ACOXL: variants seen among roughly 807,000 people sequenced by gnomAD.
The protein encoded by ACOXL is acyl-coenzyme A oxidase-like protein.
ACOXL carries 70 observed loss-of-function variants against 71.9 expected under a neutral mutation model. The observed-to-expected ratio is 0.97, with a 90% CI of 0.80 to 1.19. The LOEUF (loss-of-function observed/expected upper bound fraction) is 1.19. Ranked by LOEUF, ACOXL falls within the 50% of genes most tolerant of loss-of-function variation. The pLI, the probability that ACOXL is intolerant of heterozygous loss-of-function variation, is 0.00. For missense variants in ACOXL, 703 were observed against 736.3 expected, an observed-to-expected ratio of 0.95 and a Z score of 0.52; for synonymous variants, 253 against 281.6, an observed-to-expected ratio of 0.90 and a Z score of 1.02.
At chr2:110,911,137 G>A (rs2059636616) in intron 11 of ACOXL, among the ~76,000 whole-genome samples, 1 of 152,010 alleles carries the variant, frequency 6.6e-6, no homozygotes, top group African/African-American at 2.4e-5. Flanking sequence ...ATATGAAATG[G>A]ATGAAGTCCT....
chr2:110,877,183 CTG>C (rs1696027279), intron 10 of ACOXL, among the ~76,000 whole-genome samples: 1 of 152,252 alleles, frequency 6.6e-6, no homozygotes, highest in Non-Finnish European at 1.5e-5. Context: ...GTGGGTGTGG[CTG>C]TCTCACAGTT....
intron 9 of ACOXL, among the ~76,000 whole-genome samples, chr2:110,828,752 G>A (rs1025219813): frequency 2.0e-5 from 3 of 152,112 alleles, no homozygotes; most frequent in African/African-American, 2.4e-5. Context: ...GGTGGGCTGG[G>A]GGGTGGAATT....
chr2:111,111,659 T>G lies in ACOXL; in HGVS notation c.1543-5957T>G, dbSNP rs543874121. On this transcript the variant is annotated intron_variant, in intron 17 of 17. Transcript: ENST00000439055. ...TATGAATAAATGTCAGAAGTTCTTA[T>G]TAAGTGGTTAATGTTGATGCCTCTG... Among the ~76,000 whole-genome samples the G allele has an allele frequency of 3.4e-4, 52 of 152,348 alleles. 1 individual carries two copies. The South Asian group carries it at 6.8e-3, about 20-fold the overall frequency.
intron 14 of ACOXL, among the ~76,000 whole-genome samples, chr2:111,024,222 T>C (rs1278326762): frequency 6.6e-6 from 1 of 152,212 alleles, no homozygotes; most frequent in Non-Finnish European, 1.5e-5. Context: ...GATTGAATTC[T>C]GTCCTTGAAA....
intron 1 of ACOXL, among the ~76,000 whole-genome samples, chr2:110,752,971 G>A (rs2104821100): frequency 6.6e-6 from 1 of 152,212 alleles, no homozygotes; most frequent in African/African-American, 2.4e-5. Flanking sequence ...GATATAGTTT[G>A]GATGTTTTTC....
intron 17 of ACOXL, among the ~76,000 whole-genome samples, chr2:111,105,950 A>G (rs1174627305): frequency 6.6e-6 from 1 of 152,184 alleles, no homozygotes; most frequent in Non-Finnish European, 1.5e-5. Context: ...TTAAGATTAA[A>G]AACTATTTAT....
chr2:111,008,408 T>C (rs1337400449), intron 14 of ACOXL, among the ~76,000 whole-genome samples: 1 of 152,192 alleles, frequency 6.6e-6, no homozygotes, highest in Non-Finnish European at 1.5e-5. Flanking sequence ...ATATCTTTAG[T>C]CTCTGGCTTA....
chr2:110,926,444 G>A (rs2060273562), intron 11 of ACOXL, among the ~76,000 whole-genome samples: 1 of 152,306 alleles, frequency 6.6e-6, no homozygotes, highest in South Asian at 2.1e-4. Context: ...GCAGCAAGGA[G>A]CAGGCCCTCT....
At chr2:111,056,743 G>A (rs1010765687) in intron 16 of ACOXL, among the ~76,000 whole-genome samples, 25 of 141,592 alleles carry the variant, frequency 1.8e-4, no homozygotes, top group Non-Finnish European at 3.7e-4. Context: ...AGCCGAGATC[G>A]CACCACTGCA....
chr2:110,843,786 A>G (rs1052684741), intron 10 of ACOXL, among the ~76,000 whole-genome samples: 2 of 152,242 alleles, frequency 1.3e-5, no homozygotes, highest in African/African-American at 4.8e-5. Context: ...CTGTCCTTAT[A>G]ACCTTTAAGG....
At position 111,045,496 on chromosome 2, in the gene ACOXL, C is replaced by T. The variant is rs111695477; in HGVS notation, c.1370-3722C>T. On this transcript the variant is annotated intron_variant, in intron 15 of 17. Coordinates refer to ENST00000439055, the MANE Select transcript of ACOXL (RefSeq NM_001142807.4). The stretch of plus-strand genomic sequence containing the variant: ...TGCTCAGCACTGCTTCGTGCCGCCA[C>T]GTGAAGGACGTGTTTGCTTCCCCTT... Among the ~76,000 whole-genome samples the T allele has an allele frequency of 5.1e-3, 780 of 152,298 alleles. 7 individuals are homozygous for T. The highest frequency in any genetic ancestry group is 0.014 in the Middle Eastern group (4 of 294).
chr2:110,803,349 A>G lies in ACOXL; in HGVS notation c.620+1625A>G, dbSNP rs561734627. Reference sequence around the variant, plus strand: ...TATGTACAATGGAATAGAATGAAGAATCTAGAAATAAATCCTTACAGTTAC... The same window carrying G: ...TATGTACAATGGAATAGAATGAAGAGTCTAGAAATAAATCCTTACAGTTAC... On this transcript the variant is annotated intron_variant, in intron 8 of 17. Transcript: ENST00000439055. Among the ~76,000 whole-genome samples the G allele has an allele frequency of 1.5e-4, 23 of 152,382 alleles. No individual in the cohort carries two copies. The South Asian group carries it at 2.3e-3, about 15-fold the overall frequency.
intron 1 of ACOXL, among the ~76,000 whole-genome samples, chr2:110,746,587 G>T (rs571351648): frequency 6.6e-6 from 1 of 152,120 alleles, no homozygotes; most frequent in Non-Finnish European, 1.5e-5. Context: ...CCACATGTAC[G>T]TCGAATGGAT....
chr2:110,757,062 C>A (rs75911382), intron 1 of ACOXL, among the ~76,000 whole-genome samples: 4,799 of 152,228 alleles, frequency 0.032, 119 homozygotes, highest in Non-Finnish European at 0.042. Context: ...CCAACCCCCC[C>A]CAAGACAGGC....
intron 3 of ACOXL, among the ~76,000 whole-genome samples, chr2:110,787,767 C>T (rs373085697): frequency 3.9e-5 from 6 of 152,132 alleles, no homozygotes; most frequent in African/African-American, 1.4e-4. Flanking sequence ...CTTGGTCTTT[C>T]CCCTCCTTCT....
chr2:110,966,736 G>T (rs1446440184), intron 12 of ACOXL, among the ~76,000 whole-genome samples: 1 of 152,186 alleles, frequency 6.6e-6, no homozygotes. Context: ...CATCAATGAG[G>T]CACAATGAGG....
intron 12 of ACOXL, among the ~76,000 whole-genome samples, chr2:110,976,012 A>C (rs1369644875): frequency 6.6e-6 from 1 of 152,232 alleles, no homozygotes; most frequent in East Asian, 1.9e-4. Context: ...TGAGAGAAAT[A>C]GAAGAAAATT....
intron 1 of ACOXL, among the ~76,000 whole-genome samples, chr2:110,753,817 C>G (rs932688151): frequency 3.3e-5 from 5 of 152,024 alleles, no homozygotes; most frequent in African/African-American, 1.2e-4. Context: ...GTGGTTGTAC[C>G]ATTTTACATT....
At chr2:111,023,561 A>T (rs1373458589) in intron 14 of ACOXL, among the ~76,000 whole-genome samples, 3 of 151,834 alleles carry the variant, frequency 2.0e-5, no homozygotes, top group Non-Finnish European at 4.4e-5. Context: ...GGGTGTGGGG[A>T]CGTGTGGGAG....
Sources: gnomAD v4.1 joint callset for allele counts (sites outside exome capture counted in the v4.1 genomes callset) on GRCh38, gnomAD v4.1.1 for gene constraint, MANE v1.5 for transcripts, NCBI Gene and HGNC (gene_info 2026-07-23, HGNC 2026-07-21) for gene names.